RARB: variants seen among roughly 807,000 people sequenced by gnomAD.
The protein encoded by RARB is retinoic acid receptor beta.
Under a neutral mutation model 51.9 loss-of-function variants are expected in RARB, and 17 were observed. The observed-to-expected ratio is 0.33, with a 90% CI of 0.22 to 0.49. The LOEUF is 0.49. Ranked by LOEUF, RARB falls within the 20% of genes least tolerant of loss-of-function variation. The probability of loss-of-function intolerance (pLI) is 0.99; values close to 1 mark genes in which losing one functional copy is unlikely to be tolerated. For missense variants in RARB, 369 were observed against 550.8 expected (o/e 0.67, Z 3.30); for synonymous variants, 215 against 195.4 (o/e 1.10, Z -0.84).
At chr3:24,973,997 AGTG>A (rs1160515869) in intron 2 of RARB, among the ~76,000 whole-genome samples, 4 of 152,076 alleles carry the variant, frequency 2.6e-5, no homozygotes, top group African/African-American at 9.7e-5. Context: ...GTTGAATAAA[AGTG>A]GTGAAAGTGG....
intron 2 of RARB, among the ~76,000 whole-genome samples, chr3:25,008,011 A>G (rs1233411374): frequency 6.6e-6 from 1 of 152,134 alleles, no homozygotes; most frequent in East Asian, 1.9e-4. Context: ...AGGTATGTGT[A>G]AGGTCTTAGC....
chr3:24,868,069 C>T (rs568789560), intron 2 of RARB, among the ~76,000 whole-genome samples: 8 of 152,070 alleles, frequency 5.3e-5, no homozygotes, highest in Non-Finnish European at 1.0e-4. Context: ...GCTTGATATC[C>T]GAGTTGTAAG....
Position 25,375,966 on chromosome 3 carries a change from G to T in RARB, c.179-85227G>T, listed in dbSNP as rs1195198380. 3.3e-5 allele frequency among the ~76,000 whole-genome samples: 5 copies of T among 152,268 alleles called. 1 individual carries two copies. In the South Asian group the frequency reaches 1.0e-3, roughly 32 times the overall value. On this transcript the variant is annotated intron_variant, in intron 5 of 11. Coordinates refer to the RARB transcript ENST00000383772. ...GGTTCAATTTCCTCATCTAAGAAAT[G>T]GGGATAATGTTACATCTAACTCTTC...
chr3:25,318,438 A>G (rs1704481613), intron 5 of RARB, among the ~76,000 whole-genome samples: 1 of 152,244 alleles, frequency 6.6e-6, no homozygotes, highest in Admixed American at 6.5e-5. Flanking sequence ...TTTATTGAAC[A>G]TAAGGATCAT....
intron 5 of RARB, among the ~76,000 whole-genome samples, chr3:25,297,840 C>G (rs563179088): frequency 1.3e-5 from 2 of 152,202 alleles, no homozygotes; most frequent in South Asian, 4.1e-4. Flanking sequence ...TCCTAGATTT[C>G]TACTTTTTTA....
intron 1 of RARB, among the ~76,000 whole-genome samples, chr3:24,835,104 G>C (rs1315036846): frequency 6.6e-6 from 1 of 151,948 alleles, no homozygotes; most frequent in African/African-American, 2.4e-5. Flanking sequence ...TGTGAGTTTT[G>C]CCCTGGCTGT....
intron 1 of RARB, among the ~76,000 whole-genome samples, chr3:25,436,744 T>C (rs1440753695): frequency 1.3e-5 from 2 of 152,128 alleles, no homozygotes; most frequent in African/African-American, 4.8e-5. Flanking sequence ...TCAAAGGCTT[T>C]CTAGAGAAGG....
chr3:25,443,617 A>G (rs1020511578), intron 1 of RARB, among the ~76,000 whole-genome samples: 2 of 89,518 alleles, frequency 2.2e-5, no homozygotes, highest in Non-Finnish European at 4.8e-5. Flanking sequence ...CATCTAAAAT[A>G]TATATAAAAA....
rs371222441 is a variant in RARB, at chr3:25,320,618, T to C, written c.179-140575T>C. Among the ~76,000 whole-genome samples the C allele has an allele frequency of 2.6e-5, 4 of 152,238 alleles. No individual in the cohort carries two copies. The East Asian group carries it at 7.7e-4, about 29-fold the overall frequency. ...TATTTACTTTATTATTGCTTCTAAA[T>C]GCTACATCTCATTTCTAGTACCAAA... On this transcript the variant is annotated intron_variant, in intron 5 of 11. Coordinates refer to the RARB transcript ENST00000383772.
chr3:25,004,574 C>A (rs1178222014), intron 2 of RARB, among the ~76,000 whole-genome samples: 4 of 152,078 alleles, frequency 2.6e-5, no homozygotes, highest in Non-Finnish European at 5.9e-5. Flanking sequence ...GGCCTAATCA[C>A]CTCTTAATGG....
At chr3:25,062,368 T>C (rs1698567377) in intron 3 of RARB, among the ~76,000 whole-genome samples, 1 of 151,942 alleles carries the variant, frequency 6.6e-6, no homozygotes, top group African/African-American at 2.4e-5. Context: ...TCTTATTCCT[T>C]GTAGATGGGA....
At chr3:25,281,350 T>C (rs1301888378) in intron 5 of RARB, among the ~76,000 whole-genome samples, 1 of 152,212 alleles carries the variant, frequency 6.6e-6, no homozygotes, top group Non-Finnish European at 1.5e-5. Flanking sequence ...GATGGGTTAA[T>C]AATTAGATAC....
intron 2 of RARB, among the ~76,000 whole-genome samples, chr3:24,976,723 T>C (rs1356053957): frequency 6.6e-6 from 1 of 152,240 alleles, no homozygotes; most frequent in Non-Finnish European, 1.5e-5. Context: ...CTGTTCACCC[T>C]GATGGTAGTT....
chr3:24,843,501 C>A (rs1026555236), intron 1 of RARB, among the ~76,000 whole-genome samples: 1 of 152,146 alleles, frequency 6.6e-6, no homozygotes, highest in African/African-American at 2.4e-5. Context: ...AAGTACCTGG[C>A]ACATTCTGGG....
intron 2 of RARB, among the ~76,000 whole-genome samples, chr3:24,984,026 A>G (rs898170997): frequency 6.6e-6 from 1 of 152,190 alleles, no homozygotes; most frequent in Non-Finnish European, 1.5e-5. Context: ...GTTGTGATGA[A>G]ACTGTTCTGC....
At chr3:25,425,665 G>A (rs951390557), upstream of RARB, among the ~76,000 whole-genome samples, 3 of 152,008 alleles carry the variant, frequency 2.0e-5, no homozygotes, top group South Asian at 2.1e-4. Context: ...ACATCGAGTC[G>A]CCCAACCTTT....
chr3:25,592,661 G>A (rs1022614451), intron 5 of RARB, among the ~76,000 whole-genome samples: 12 of 152,204 alleles, frequency 7.9e-5, no homozygotes, highest in African/African-American at 4.8e-5. Flanking sequence ...CGCCCCAGGG[G>A]GCCAACAGGG....
intron 2 of RARB, among the ~76,000 whole-genome samples, chr3:24,930,343 A>G (rs1695412575): frequency 6.6e-6 from 1 of 152,080 alleles, no homozygotes; most frequent in African/African-American, 2.4e-5. Context: ...CTTTACCACC[A>G]TTAACTGCGT....
chr3:25,437,335 A>G (rs538853257), intron 1 of RARB, among the ~76,000 whole-genome samples: 3 of 152,262 alleles, frequency 2.0e-5, no homozygotes, highest in African/African-American at 7.2e-5. Flanking sequence ...TTGTCACAAT[A>G]CACTTAGCCC....
Sources: gnomAD v4.1 joint callset for allele counts (sites outside exome capture counted in the v4.1 genomes callset) on GRCh38, gnomAD v4.1.1 for gene constraint, MANE v1.5 for transcripts, NCBI Gene and HGNC (gene_info 2026-07-23, HGNC 2026-07-21) for gene names.